Variants in APEX2 observed in about 807,000 individuals in gnomAD.
The protein encoded by APEX2 is DNA-(apurinic or apyrimidinic site) endonuclease 2.
A neutral mutation model predicts 16.7 loss-of-function variants in APEX2; 4 were observed. The ratio of observed to expected loss-of-function variants is 0.24; its 90% CI spans 0.12 to 0.55. The LOEUF is 0.55. Among genes scored for constraint, APEX2 ranks in the 20% least tolerant of loss-of-function variants. The probability of loss-of-function intolerance (pLI) is 0.94; values close to 1 mark genes in which losing one functional copy is unlikely to be tolerated. For synonymous variants in APEX2, 181 were observed against 166.9 expected, an observed-to-expected ratio of 1.08 and a Z score of -0.65; for missense variants, 357 against 433.6, an observed-to-expected ratio of 0.82 and a Z score of 1.57.
chrX:55,003,964 A>G (rs1305556052), intron 5 of APEX2, 96 bp downstream of exon 5: 6 of 804,247 alleles, frequency 7.5e-6, no homozygotes, highest in East Asian at 6.4e-5. Context: ...AGCTTCCTTT[A>G]TGGGAAAGCG....
rs1203155309 is a variant in APEX2, at chrX:55,000,432, G to A, written c.10G>A (p.Val4Met). 3 of 1,189,386 alleles carry A rather than the reference G, an allele frequency of 2.5e-6. No homozygotes were observed. Among genetic ancestry groups the A allele is most frequent in the Non-Finnish European group, 3.4e-6 (3 of 884,449 alleles). MLR[V>M]VSWNINGIRR... is the part of the protein sequence containing the mutation. ...GTTCCAGCCCTTTAAGATGTTGCGC[G>A]TGGTGAGCTGGAACATCAATGGGAT... is the stretch of plus-strand genomic sequence containing the variant. Residue 4 changes from valine (V) to methionine (M), a missense_variant, in exon 1 of 6, where the codon GTG (valine) becomes ATG (methionine). Coordinates refer to ENST00000374987, the MANE Select transcript of APEX2 (RefSeq NM_014481.4).
chrX:55,006,493 C>T (rs1302854176), intron 5 of APEX2, 25 bp from the exon 6 acceptor site: 1 of 1,088,894 alleles, frequency 9.2e-7, no homozygotes, highest in Non-Finnish European at 1.2e-6. Context: ...TCTCTCTCTT[C>T]CAACCCCCTT....
intron 4 of APEX2, 93 bp downstream of exon 4, chrX:55,003,201 T>C: frequency 9.8e-7 from 1 of 1,025,128 alleles, no homozygotes. Context: ...GGACCCTTTG[T>C]CTCTGAGTTC....
rs1935534122 is a variant in APEX2, at chrX:55,008,108, G to A, written c.*673G>A. On this transcript the variant is annotated 3_prime_UTR_variant, in exon 6 of 6. Transcript: ENST00000374987. ...CGGTCCTCAGCCCTCAGAGTTGCCAGGCAGGGCCTGGGACCACACAAGTTT... is the reference window on the plus strand; with the variant it reads ...CGGTCCTCAGCCCTCAGAGTTGCCAAGCAGGGCCTGGGACCACACAAGTTT... 8.9e-6 allele frequency: 1 copy of A among 112,826 alleles called. No homozygotes were observed. The highest frequency in any genetic ancestry group is 3.2e-5 in the African/African-American group (1 of 31,046). 9.3% of individuals were successfully genotyped at this position (112,826 alleles called of 1,213,427 possible). A position where few individuals can be genotyped will look rare whatever the true frequency, so the allele number is the denominator to read the frequency against.
In APEX2 at chrX:55,008,095, C is replaced by T. The variant is rs1394290374; in HGVS notation, c.*660C>T. ...GGGTTGAAAGAAACGGTCCTCAGCC[C>T]TCAGAGTTGCCAGGCAGGGCCTGGG... On this transcript the variant is annotated 3_prime_UTR_variant, in exon 6 of 6. Transcript: ENST00000374987. 1.8e-5 allele frequency: 2 copies of T among 112,817 alleles called. No homozygotes were observed. Among genetic ancestry groups the T allele is most frequent in the Non-Finnish European group, 3.7e-5 (2 of 53,343 alleles). 9.3% of individuals were successfully genotyped at this position (112,817 alleles called of 1,213,427 possible).
At chrX:55,004,998 G>T (rs748017196) in intron 5 of APEX2, among the ~76,000 whole-genome samples, 1 of 111,516 alleles carries the variant, frequency 9.0e-6, no homozygotes, top group Non-Finnish European at 1.9e-5. Context: ...TATGTCTCAC[G>T]ATGGGGGATC....
In APEX2 at chrX:55,003,783, A is replaced by G. The variant is rs145497408; in HGVS notation, c.570-16A>G. 2,536 of 1,206,078 alleles carry G rather than the reference A, an allele frequency of 2.1e-3. 26 individuals carry two copies. The Middle Eastern group carries it at 0.063, about 30-fold the overall frequency. On this transcript the variant is annotated splice_polypyrimidine_tract_variant and intron_variant, in intron 4 of 5. Transcript: ENST00000374987. ...TGCTGCACCCCTTTCTAACAATCCC[A>G]CATTGTGTTTTTCAGCCATGTGATC...
chrX:55,007,760 G>A lies in APEX2; in HGVS notation c.*325G>A. On this transcript the variant is annotated 3_prime_UTR_variant, in exon 6 of 6. Coordinates refer to ENST00000374987, the MANE Select transcript of APEX2 (RefSeq NM_014481.4). ...GTATTTGTGCATAAATAAAGTCTGT[G>A]TATTTGTTTCAGGGTTGCACTTTGG... 4.5e-6 allele frequency: 1 copy of A among 223,513 alleles called. No homozygotes were observed. 18.4% of individuals were successfully genotyped at this position (223,513 alleles called of 1,213,427 possible).
intron 1 of APEX2, among the ~76,000 whole-genome samples, chrX:55,001,300 A>T: frequency 9.2e-6 from 1 of 109,109 alleles, no homozygotes; most frequent in Admixed American, 9.8e-5. Flanking sequence ...TTCCCACCTA[A>T]TTCTCCACCT....
At chrX:55,001,775 A>G in intron 2 of APEX2, 146 bp downstream of exon 2, 6 of 486,287 alleles carry the variant, frequency 1.2e-5, no homozygotes, top group Non-Finnish European at 1.7e-5. Context: ...TACATGAAAT[A>G]TAATTTTTAT....
chrX:55,001,276 C>G (rs1244885829), intron 1 of APEX2, among the ~76,000 whole-genome samples: 1 of 110,346 alleles, frequency 9.1e-6, no homozygotes, highest in East Asian at 2.8e-4. Flanking sequence ...AGGCTTAGCT[C>G]TGATTCTTTC....
chrX:55,001,837 A>T (rs780871274), intron 2 of APEX2, among the ~76,000 whole-genome samples: 98 of 102,739 alleles, frequency 9.5e-4, no homozygotes, highest in Non-Finnish European at 1.4e-3. Context: ...TGTGGTGCTT[A>T]ATTGTGTGAA....
At chrX:55,000,755 C>T (rs1245756037) in intron 1 of APEX2, among the ~76,000 whole-genome samples, 176 bp downstream of exon 1, 1 of 110,544 alleles carries the variant, frequency 9.0e-6, no homozygotes, top group Non-Finnish European at 1.9e-5. Context: ...CCTAATTGCA[C>T]TCCATCTCCT....
intron 5 of APEX2, among the ~76,000 whole-genome samples, chrX:55,004,295 CA>C (rs1323113359): frequency 8.9e-6 from 1 of 112,704 alleles, no homozygotes; most frequent in African/African-American, 3.2e-5. Flanking sequence ...ATGAGTAGAA[CA>C]GAGCTTTGAA....
chrX:55,003,398 T>A (rs1267628100), intron 4 of APEX2, among the ~76,000 whole-genome samples: 1 of 112,367 alleles, frequency 8.9e-6, no homozygotes, highest in East Asian at 2.8e-4. Flanking sequence ...TACACAATAG[T>A]TTTAAGGGTA....
At position 55,007,602 on chromosome X, in the gene APEX2, G is replaced by A. The variant is rs1569547701; in HGVS notation, c.*167G>A. The stretch of plus-strand genomic sequence containing the variant: ...TTCCTTCCTACCTAGCTCCTTGTTG[G>A]TGAGCTTCTTGTGCCTTAATCCTGT... On this transcript the variant is annotated 3_prime_UTR_variant, in exon 6 of 6. Coordinates refer to ENST00000374987, the MANE Select transcript of APEX2 (RefSeq NM_014481.4). 2 of 559,515 alleles carry A rather than the reference G, an allele frequency of 3.6e-6. No individual in the cohort carries two copies. Among genetic ancestry groups the A allele is most frequent in the East Asian group, 3.9e-5 (1 of 25,940 alleles). The allele number at this position is 559,515 out of a possible 1,213,427, so 46.1% of individuals were successfully genotyped here.
intron 2 of APEX2, 137 bp from the exon 3 acceptor site, chrX:55,002,114 G>T: frequency 3.4e-6 from 2 of 584,352 alleles, no homozygotes; most frequent in Non-Finnish European, 2.6e-6. Context: ...AGACTCCAGG[G>T]TTTGAATAAG....
Position 55,007,674 on chromosome X carries a change from G to A in APEX2, c.*239G>A, listed in dbSNP as rs1411059870. The A allele has an allele frequency of 6.2e-6, 2 of 323,281 alleles. No individual in the cohort carries two copies. Among genetic ancestry groups the A allele is most frequent in the Non-Finnish European group, 1.1e-5 (2 of 187,125 alleles). The allele number at this position is 323,281 out of a possible 1,213,427, so 26.6% of individuals were successfully genotyped here. A position where few individuals can be genotyped will look rare whatever the true frequency, so the allele number is the denominator to read the frequency against. On this transcript the variant is annotated 3_prime_UTR_variant, in exon 6 of 6. Transcript: ENST00000374987. ...TTCCACCTTCCTGTCCGAAGTACAC[G>A]GACACTAGCTGCCCCAGGAAGTTGT...
rs772551363 is a variant in APEX2, at chrX:55,007,372, C to T, written c.1494C>T (p.Pro498=). ...GCCGCTTCTACATGTGTGCCAGGCCCCGGGGTCCTCCCACTGACCCCTCCT... is the reference window on the plus strand; with the variant it reads ...GCCGCTTCTACATGTGTGCCAGGCCTCGGGGTCCTCCCACTGACCCCTCCT... ...LGRRFYMCAR[P]RGPPTDPSSR... The change falls in exon 6 of 6, where the codon CCC becomes CCT. Residue 498 remains proline, a synonymous_variant. Transcript: ENST00000374987. The T allele has an allele frequency of 1.5e-5, 18 of 1,190,807 alleles. No homozygotes were observed. In the South Asian group the frequency reaches 3.2e-4, roughly 21 times the overall value.
Sources: gnomAD v4.1 joint callset for allele counts (sites outside exome capture counted in the v4.1 genomes callset) on GRCh38, gnomAD v4.1.1 for gene constraint, MANE v1.5 for transcripts, NCBI Gene and HGNC (gene_info 2026-07-23, HGNC 2026-07-21) for gene names.